The following NUP188 variants were observed in gnomAD, a reference collection of about 807,000 sequenced individuals.
NUP188 encodes the protein nucleoporin 188, also known as nucleoporin NUP188.
In NUP188, 97 loss-of-function variants were observed where a neutral mutation model predicts 223.0. The observed-to-expected ratio is 0.43, with a 90% CI of 0.37 to 0.51. The LOEUF (loss-of-function observed/expected upper bound fraction) is 0.51. Among genes scored for constraint, NUP188 ranks in the 20% least tolerant of loss-of-function variants. NUP188 has a pLI of 0.00. For synonymous variants in NUP188, 869 were observed against 828.0 expected, an observed-to-expected ratio of 1.05 and a Z score of -0.85; for missense variants, 1,947 against 2,175.6, an observed-to-expected ratio of 0.89 and a Z score of 2.09.
intron 19 of NUP188, among the ~76,000 whole-genome samples, chr9:128,984,453 A>G (rs563560038): frequency 6.6e-6 from 1 of 152,284 alleles, no homozygotes; most frequent in Admixed American, 6.5e-5. Context: ...CTTATCCAAC[A>G]TCAATCACGT....
In NUP188 at chr9:129,006,705, C is replaced by T. The variant is rs1217285053; in HGVS notation, c.*27C>T. On this transcript the variant is annotated 3_prime_UTR_variant, in exon 44 of 44. Transcript: ENST00000372577. ...GCAGTGCTGTTCTGCCCACCTACCC[C>T]TCTCCACCAGCCTACACTGCACCCT... The T allele has an allele frequency of 1.9e-6, 3 of 1,599,082 alleles. No individual in the cohort carries two copies. Among genetic ancestry groups the T allele is most frequent in the African/African-American group, 2.7e-5 (2 of 74,700 alleles).
At chr9:128,961,102 A>C (rs1406758067) in intron 8 of NUP188, among the ~76,000 whole-genome samples, 7 of 151,084 alleles carry the variant, frequency 4.6e-5, no homozygotes, top group East Asian at 1.9e-4. Context: ...AAAAAAAAAA[A>C]ACCATAAAAA....
chr9:128,961,712 C>T (rs1841957907), intron 8 of NUP188, among the ~76,000 whole-genome samples: 1 of 150,510 alleles, frequency 6.6e-6, no homozygotes, highest in Non-Finnish European at 1.5e-5. Context: ...ACCTCCGCCT[C>T]CCAGGTTCAA....
chr9:128,959,093 A>G lies in NUP188; in HGVS notation c.544A>G (p.Lys182Glu), dbSNP rs769744217. The G allele has an allele frequency of 6.2e-7, 1 of 1,603,946 alleles. No homozygotes were observed. Among genetic ancestry groups the G allele is most frequent in the Admixed American group, 1.7e-5 (1 of 59,310 alleles). ...CAGACAGCAGTTCGAAGAGCTTTAT[A>G]AAACTGAAGCACCAACTTGGGAGAC... ...KYRQQFEELYKTEAPTWETHG... is the reference protein window; with the variant it reads ...KYRQQFEELYETEAPTWETHG... Residue 182 changes from lysine (K) to glutamate (E), a missense_variant, in exon 8 of 44, where the codon AAA becomes GAA. Coordinates refer to ENST00000372577, the MANE Select transcript of NUP188 (RefSeq NM_015354.3).
rs940052925 is a variant in NUP188, at chr9:129,006,814, C to G, written c.*136C>G. The G allele has an allele frequency of 1.2e-6, 1 of 815,744 alleles. No individual in the cohort carries two copies. The highest frequency in any genetic ancestry group is 2.7e-5 in the East Asian group (1 of 36,666). The allele number at this position is 815,744 out of a possible 1,614,324, so 50.5% of individuals were successfully genotyped here. ...CCCCCCTCCCGGAGTAGCCACGACT[C>G]CAGCCACCACCCACTGACGTTATTT... On this transcript the variant is annotated 3_prime_UTR_variant, in exon 44 of 44. Transcript: ENST00000372577.
intron 34 of NUP188, among the ~76,000 whole-genome samples, chr9:129,000,615 G>A (rs1188573573): frequency 6.6e-6 from 1 of 151,998 alleles, no homozygotes; most frequent in Non-Finnish European, 1.5e-5. Context: ...ACCACGCCTG[G>A]CCACAACCAG....
At chr9:128,961,914 A>C (rs1048311398) in intron 8 of NUP188, among the ~76,000 whole-genome samples, 3 of 143,894 alleles carry the variant, frequency 2.1e-5, no homozygotes, top group Non-Finnish European at 4.5e-5. Flanking sequence ...GCCAGCCACC[A>C]TGCCCGGCCT....
Position 128,948,672 on chromosome 9 carries a change from C to G in NUP188, c.33-517C>G, listed in dbSNP as rs112325876. The G allele has an allele frequency of 5.8e-3, 872 of 151,474 alleles. 7 individuals carry two copies. Among genetic ancestry groups the G allele is most frequent in the Non-Finnish European group, 0.01 (683 of 68,168 alleles). 9.4% of individuals were successfully genotyped at this position (151,474 alleles called of 1,614,324 possible). A position where few individuals can be genotyped will look rare whatever the true frequency, so the allele number is the denominator to read the frequency against. ...ACCCTCCCTCAAAGTTAAACATCCC[C>G]GTCTCTTATCCTTCCCTGTGCCAGC... On this transcript the variant is annotated intron_variant, in intron 1 of 43. Transcript: ENST00000372577.
intron 33 of NUP188, 94 bp downstream of exon 33, chr9:128,999,411 C>T (rs997276516): frequency 2.7e-6 from 4 of 1,484,112 alleles, no homozygotes; most frequent in African/African-American, 1.4e-5. Flanking sequence ...CCACACATTT[C>T]TTCTGGGACT....
intron 10 of NUP188, 96 bp from the exon 11 acceptor site, chr9:128,970,662 C>A: frequency 1.9e-6 from 2 of 1,040,618 alleles, no homozygotes; most frequent in Non-Finnish European, 2.9e-6. Flanking sequence ...TGAGGCCACT[C>A]TTTATGGCTT....
rs773150979 is a variant in NUP188 at position 128,990,199 on chromosome 9, C to T, written c.2613C>T (p.Ala871=). The change falls in exon 25 of 44, where the codon GCC becomes GCT. Residue 871 remains alanine (A), a synonymous_variant. Coordinates refer to ENST00000372577, the MANE Select transcript of NUP188 (RefSeq NM_015354.3). ...HKHDPALPRL[A]IQLLKRLATV... ...ATGACCCTGCTTTGCCACGTCTTGC[C>T]ATTCAGCTGCTGAAACGTCTGGCCA... is the stretch of plus-strand genomic sequence containing the variant. 4.0e-5 allele frequency: 65 copies of T among 1,614,084 alleles called. No individual in the cohort carries two copies. The highest frequency in any genetic ancestry group is 1.3e-5 in the Non-Finnish European group (15 of 1,179,924).
intron 27 of NUP188, 68 bp downstream of exon 27, chr9:128,993,762 C>A: frequency 7.0e-7 from 1 of 1,434,742 alleles, no homozygotes; most frequent in Non-Finnish European, 9.6e-7. Flanking sequence ...TAGCTCTTAT[C>A]CCAGAGGTTT....
chr9:128,950,169 TGCCTCA>T (rs553350617), intron 2 of NUP188, among the ~76,000 whole-genome samples: 274 of 151,946 alleles, frequency 1.8e-3, no homozygotes, highest in African/African-American at 6.4e-3. Flanking sequence ...GTGATCTGCC[TGCCTCA>T]GCCTCCCAAA....
intron 8 of NUP188, among the ~76,000 whole-genome samples, chr9:128,965,944 C>T (rs2131150703): frequency 6.6e-6 from 1 of 151,264 alleles, no homozygotes; most frequent in East Asian, 2.0e-4. Flanking sequence ...ATTACAGGCG[C>T]CCACCACCAC....
chr9:128,993,148 GT>G (rs749131340), intron 25 of NUP188, 48 bp from the exon 26 acceptor site: 1 of 1,530,770 alleles, frequency 6.5e-7, no homozygotes, highest in Admixed American at 1.7e-5. Flanking sequence ...GCCCATTGAG[GT>G]TTTTGTGGAA....
chr9:129,007,061 C>T lies in NUP188; in HGVS notation c.*383C>T. On this transcript the variant is annotated 3_prime_UTR_variant, in exon 44 of 44. Coordinates refer to ENST00000372577, the MANE Select transcript of NUP188 (RefSeq NM_015354.3). ...TTTGCAGTTTTGGTAATTCTGTGGT[C>T]TATTTATACAGATATTAAAATCTTG... The T allele has an allele frequency of 5.7e-6, 1 of 176,530 alleles. No individual in the cohort carries two copies. Among genetic ancestry groups the T allele is most frequent in the Non-Finnish European group, 1.2e-5 (1 of 84,694 alleles). The allele number at this position is 176,530 out of a possible 1,614,324, so 10.9% of individuals were successfully genotyped here.
rs760800525 is a variant in NUP188, at chr9:128,982,500, A to AT, written c.1517-43dup. The AT allele has an allele frequency of 6.0e-6, 9 of 1,508,670 alleles. No individual in the cohort carries two copies. In the Admixed American group the frequency reaches 7.7e-5, roughly 13 times the overall value. 93.5% of individuals were successfully genotyped at this position (1,508,670 alleles called of 1,614,324 possible). A position where few individuals can be genotyped will look rare whatever the true frequency, so the allele number is the denominator to read the frequency against. On this transcript the variant is annotated intron_variant, in intron 15 of 43. Coordinates refer to ENST00000372577, the MANE Select transcript of NUP188 (RefSeq NM_015354.3). ...TATTGATGTCTGGTAGAGGAGTTACATTTTTTATTTATCCTCAGATATTAG... is the reference window on the plus strand; with the variant it reads ...TATTGATGTCTGGTAGAGGAGTTACATTTTTTTATTTATCCTCAGATATTAG...
intron 27 of NUP188, among the ~76,000 whole-genome samples, chr9:128,994,096 C>A (rs1264285769): frequency 6.6e-6 from 1 of 152,176 alleles, no homozygotes; most frequent in Non-Finnish European, 1.5e-5. Flanking sequence ...TTATTTCCCT[C>A]CCTCCTCTTC....
At chr9:128,963,880 G>A (rs1188515589) in intron 8 of NUP188, among the ~76,000 whole-genome samples, 1 of 151,314 alleles carries the variant, frequency 6.6e-6, no homozygotes, top group East Asian at 2.0e-4. Flanking sequence ...GCAGTGGCAC[G>A]ATCTTGGCTC....
Sources: gnomAD v4.1 joint callset for allele counts (sites outside exome capture counted in the v4.1 genomes callset) on GRCh38, gnomAD v4.1.1 for gene constraint, MANE v1.5 for transcripts, NCBI Gene and HGNC (gene_info 2026-07-23, HGNC 2026-07-21) for gene names.